The following NDST4 variants were observed in gnomAD, a reference collection of about 807,000 sequenced individuals.
NDST4 encodes the protein N-deacetylase and N-sulfotransferase 4, also known as N-heparan sulfate sulfotransferase 4.
NDST4 carries 63 observed loss-of-function variants against 100.8 expected under a neutral mutation model. The observed-to-expected ratio is 0.62, with a 90% CI of 0.51 to 0.77. The LOEUF (loss-of-function observed/expected upper bound fraction) is 0.77, where lower values mean the gene tolerates loss of function less well. Among genes scored for constraint, NDST4 ranks in the 30% least tolerant of loss-of-function variants. NDST4 has a pLI of 0.00. For missense variants in NDST4, 943 were observed against 1,018.4 expected (o/e 0.93, Z 1.01); for synonymous variants, 377 against 361.8 (o/e 1.04, Z -0.48).
intron 2 of NDST4, among the ~76,000 whole-genome samples, chr4:115,046,498 CTGTT>C (rs2126276701): frequency 6.6e-6 from 1 of 152,186 alleles, no homozygotes; most frequent in South Asian, 2.1e-4. Context: ...AGGTGAGAAA[CTGTT>C]TGGAGTACAT....
intron 1 of NDST4, among the ~76,000 whole-genome samples, chr4:115,087,509 T>A (rs1322443993): frequency 6.6e-6 from 1 of 152,042 alleles, no homozygotes; most frequent in Non-Finnish European, 1.5e-5. Flanking sequence ...TTTTTTCTTT[T>A]CTTATATTTT....
At chr4:114,853,380 A>G (rs1031126143) in intron 7 of NDST4, among the ~76,000 whole-genome samples, 5 of 152,066 alleles carry the variant, frequency 3.3e-5, no homozygotes, top group Non-Finnish European at 7.4e-5. Context: ...TATATTGCAA[A>G]TATATCATTT....
chr4:114,972,089 C>T (rs530684910), intron 3 of NDST4, among the ~76,000 whole-genome samples: 3 of 152,112 alleles, frequency 2.0e-5, no homozygotes, highest in Admixed American at 2.0e-4. Context: ...TATGTATTCA[C>T]ACTGTTTTAG....
At position 115,112,034 on chromosome 4, in the gene NDST4, G is replaced by A. The variant is rs114377477; in HGVS notation, c.-247+1410C>T. 4.9e-3 allele frequency among the ~76,000 whole-genome samples: 745 copies of A among 151,594 alleles called. 6 individuals are homozygous for A. The highest frequency in any genetic ancestry group is 0.017 in the African/African-American group (712 of 41,386). Reference sequence around the variant, plus strand: ...TGAATTCCAGTTGAAAACTTAGACTGTTGTAGTCAGTGGACTTTATATTCT... The same window carrying A: ...TGAATTCCAGTTGAAAACTTAGACTATTGTAGTCAGTGGACTTTATATTCT... On this transcript the variant is annotated intron_variant, in intron 1 of 13. Coordinates refer to ENST00000264363, the MANE Select transcript of NDST4 (RefSeq NM_022569.3).
At chr4:114,929,113 C>T (rs6848957) in intron 6 of NDST4, among the ~76,000 whole-genome samples, 22,828 of 117,230 alleles carry the variant, frequency 0.19, 2,931 homozygotes, top group African/African-American at 0.32. Context: ...TCCATCCATC[C>T]ATCTATCTAT....
intron 2 of NDST4, among the ~76,000 whole-genome samples, chr4:115,071,778 A>T (rs904154408): frequency 8.5e-5 from 13 of 152,060 alleles, no homozygotes; most frequent in Non-Finnish European, 1.8e-4. Flanking sequence ...AGACTGTCAA[A>T]ACTTTTTGGC....
chr4:114,834,760 G>C (rs1723275373), intron 11 of NDST4, among the ~76,000 whole-genome samples: 1 of 152,138 alleles, frequency 6.6e-6, no homozygotes, highest in Non-Finnish European at 1.5e-5. Flanking sequence ...TTGGTGGTAG[G>C]CTATTAATTA....
rs533272041 is a variant in NDST4 at position 114,831,401 on chromosome 4, C to T, written c.2397-1509G>A. Reference sequence around the variant, plus strand: ...TCTTTGCCTGTCACAATCCTTTCTCCTGTTTTCATTAATTTCCCAAGAGGA... The same window carrying T: ...TCTTTGCCTGTCACAATCCTTTCTCTTGTTTTCATTAATTTCCCAAGAGGA... On this transcript the variant is annotated intron_variant, in intron 12 of 13. Coordinates refer to ENST00000264363, the MANE Select transcript of NDST4 (RefSeq NM_022569.3). Among the ~76,000 whole-genome samples, 323 of 152,304 alleles carry T rather than the reference C, an allele frequency of 2.1e-3. 1 individual carries two copies. The highest frequency in any genetic ancestry group is 7.3e-3 in the African/African-American group (305 of 41,572).
rs142014627 is a variant in NDST4 at position 115,055,648 on chromosome 4, A to G, written c.978+20411T>C. 4.8e-3 allele frequency among the ~76,000 whole-genome samples: 737 copies of G among 152,244 alleles called. 2 individuals carry two copies. The highest frequency in any genetic ancestry group is 7.6e-3 in the Non-Finnish European group (517 of 68,006). On this transcript the variant is annotated intron_variant, in intron 2 of 13. Coordinates refer to ENST00000264363, the MANE Select transcript of NDST4 (RefSeq NM_022569.3). ...CTTTTTAACTTATTACTGTGGCTCA[A>G]TGCTGGTGATTTCAATATGTTTAAT...
intron 6 of NDST4, among the ~76,000 whole-genome samples, chr4:114,901,119 C>T (rs1724828864): frequency 6.6e-6 from 1 of 151,684 alleles, no homozygotes; most frequent in Admixed American, 6.6e-5. Flanking sequence ...GTGTATTATG[C>T]TGTTGTTTGA....
At chr4:114,893,282 A>G in intron 6 of NDST4, among the ~76,000 whole-genome samples, 1 of 152,164 alleles carries the variant, frequency 6.6e-6, no homozygotes, top group South Asian at 2.1e-4. Flanking sequence ...GCTGGGTCAA[A>G]TGGTATTTCT....
intron 3 of NDST4, among the ~76,000 whole-genome samples, chr4:114,971,407 AACTT>A (rs1420627397): frequency 7.2e-5 from 11 of 152,112 alleles, no homozygotes; most frequent in Non-Finnish European, 2.9e-5. Flanking sequence ...AGAAAAAAAA[AACTT>A]ACTTCTAAGA....
At chr4:114,861,429 C>T (rs1286688961) in intron 7 of NDST4, among the ~76,000 whole-genome samples, 1 of 151,994 alleles carries the variant, frequency 6.6e-6, no homozygotes, top group Non-Finnish European at 1.5e-5. Flanking sequence ...CCACATTTGC[C>T]CTTCTTTTCT....
intron 2 of NDST4, among the ~76,000 whole-genome samples, chr4:114,983,407 G>T (rs1391225141): frequency 1.3e-5 from 2 of 152,224 alleles, no homozygotes; most frequent in South Asian, 2.1e-4. Context: ...TCCTGGATGT[G>T]AGACCTGAAC....
intron 5 of NDST4, 148 bp downstream of exon 5, chr4:114,937,170 A>ATAACCAGTCACCATTGAGATATGTTAGGT: frequency 1.2e-6 from 1 of 839,962 alleles, no homozygotes; most frequent in East Asian, 2.7e-5. Context: ...GGGTTAATGC[A>ATAACCAGTCACCATTGAGATATGTTAGGT]TAACCAGTCA....
intron 1 of NDST4, among the ~76,000 whole-genome samples, chr4:115,086,764 A>T (rs1450441259): frequency 6.6e-6 from 1 of 152,098 alleles, no homozygotes; most frequent in Non-Finnish European, 1.5e-5. Context: ...AAAGCAAAGA[A>T]AGGACATGAT....
intron 6 of NDST4, among the ~76,000 whole-genome samples, chr4:114,915,879 G>T (rs1268855500): frequency 6.6e-6 from 1 of 152,040 alleles, no homozygotes; most frequent in Non-Finnish European, 1.5e-5. Context: ...GAGAAAAAAA[G>T]AAGGGTAAAA....
chr4:114,941,966 G>T (rs2126228299), intron 4 of NDST4, among the ~76,000 whole-genome samples: 1 of 152,244 alleles, frequency 6.6e-6, no homozygotes, highest in South Asian at 2.1e-4. Flanking sequence ...ACGTCTAGTG[G>T]TTTAAGTTCT....
At chr4:114,944,668 T>A (rs1419474479) in intron 4 of NDST4, among the ~76,000 whole-genome samples, 1 of 152,128 alleles carries the variant, frequency 6.6e-6, no homozygotes, top group East Asian at 1.9e-4. Flanking sequence ...AGGGGACAGA[T>A]TTTCTTGAAA....
Sources: allele counts gnomAD v4.1 joint callset (sites outside exome capture counted in the v4.1 genomes callset), GRCh38; gene constraint gnomAD v4.1.1; transcripts MANE v1.5; gene names NCBI Gene and HGNC (gene_info 2026-07-23, HGNC 2026-07-21).